The following RALY variants were observed in gnomAD, a reference collection of about 807,000 sequenced individuals.
RALY encodes the protein RNA-binding protein Raly.
Under a neutral mutation model 30.7 loss-of-function variants are expected in RALY, and 15 were observed. The ratio of observed to expected loss-of-function variants is 0.49; its 90% CI spans 0.33 to 0.75. The LOEUF is 0.75. Among genes scored for constraint, RALY ranks in the 30% least tolerant of loss-of-function variants. The pLI, the probability that RALY is intolerant of heterozygous loss-of-function variation, is 0.02. For synonymous variants in RALY, 177 were observed against 170.8 expected (o/e 1.04, Z -0.28); for missense variants, 339 against 414.3 (o/e 0.82, Z 1.58).
At chr20:33,997,431 T>C (rs904580809) in intron 1 of RALY, among the ~76,000 whole-genome samples, 17 of 151,892 alleles carry the variant, frequency 1.1e-4, no homozygotes, top group African/African-American at 4.1e-4. Context: ...ACCCTTAAAA[T>C]AGAACCGAGA....
intron 2 of RALY, among the ~76,000 whole-genome samples, chr20:34,070,406 G>A (rs1050557186): frequency 2.0e-5 from 3 of 152,176 alleles, no homozygotes; most frequent in Admixed American, 6.5e-5. Flanking sequence ...TAAACTGTAC[G>A]GGAAAAATTT....
At chr20:34,040,211 C>A (rs368185623) in intron 2 of RALY, among the ~76,000 whole-genome samples, 16 of 152,112 alleles carry the variant, frequency 1.1e-4, no homozygotes, top group African/African-American at 3.6e-4. Context: ...GTCACCTGTT[C>A]AGGTTCAGGT....
intron 2 of RALY, among the ~76,000 whole-genome samples, chr20:34,062,223 G>A (rs2033438166): frequency 6.6e-6 from 1 of 152,120 alleles, no homozygotes; most frequent in Non-Finnish European, 1.5e-5. Flanking sequence ...TGAGGCCATT[G>A]GTTACTCTAG....
At chr20:34,043,053 CT>C (rs1160268353) in intron 2 of RALY, among the ~76,000 whole-genome samples, 2 of 152,272 alleles carry the variant, frequency 1.3e-5, no homozygotes, top group African/African-American at 4.8e-5. Context: ...AGGCAGCTTT[CT>C]GCTCAGGGAA....
At chr20:34,073,301 C>T (rs74942915) in intron 3 of RALY, among the ~76,000 whole-genome samples, 5 of 148,368 alleles carry the variant, frequency 3.4e-5, no homozygotes, top group Non-Finnish European at 6.0e-5. Context: ...TGTGGTGGGG[C>T]GGGGGGGAGG....
intron 1 of RALY, among the ~76,000 whole-genome samples, chr20:34,026,863 C>T (rs574117339): frequency 1.3e-5 from 2 of 152,298 alleles, no homozygotes; most frequent in East Asian, 3.9e-4. Context: ...CATACTGGGG[C>T]TGAGACTCTG....
At chr20:34,003,830 A>G (rs944980973) in intron 1 of RALY, among the ~76,000 whole-genome samples, 9 of 151,804 alleles carry the variant, frequency 5.9e-5, no homozygotes, top group Admixed American at 2.6e-4. Context: ...TAGTAGAGAC[A>G]GGGTTTCACC....
At chr20:34,067,075 A>G (rs1419660395) in intron 2 of RALY, among the ~76,000 whole-genome samples, 1 of 152,168 alleles carries the variant, frequency 6.6e-6, no homozygotes. Flanking sequence ...TCTATTAACC[A>G]GTTACCTTGC....
At chr20:34,063,330 TC>T (rs1484217513) in intron 2 of RALY, among the ~76,000 whole-genome samples, 29 of 152,248 alleles carry the variant, frequency 1.9e-4, no homozygotes, top group African/African-American at 6.5e-4. Context: ...AGACCATTCT[TC>T]CTGTGGATGG....
chr20:34,075,694 A>G (rs1043384001), intron 5 of RALY, among the ~76,000 whole-genome samples, 180 bp from the exon 6 acceptor site: 9 of 152,118 alleles, frequency 5.9e-5, no homozygotes, highest in African/African-American at 2.2e-4. Flanking sequence ...GAGGATCCCA[A>G]CAGCCATCAG....
intron 1 of RALY, among the ~76,000 whole-genome samples, chr20:34,001,205 C>T (rs1397784340): frequency 6.6e-6 from 1 of 151,864 alleles, no homozygotes; most frequent in Non-Finnish European, 1.5e-5. Flanking sequence ...GAGTCCAAGA[C>T]TATAAAAAAA....
chr20:34,033,463 C>T (rs548143438), intron 2 of RALY, among the ~76,000 whole-genome samples: 2 of 152,244 alleles, frequency 1.3e-5, no homozygotes, highest in South Asian at 4.1e-4. Context: ...TGGGTGTCTG[C>T]ACCCAGTGAG....
At chr20:34,043,268 C>T (rs908118020) in intron 2 of RALY, among the ~76,000 whole-genome samples, 1 of 152,214 alleles carries the variant, frequency 6.6e-6, no homozygotes, top group African/African-American at 2.4e-5. Flanking sequence ...AAAGAGGTTA[C>T]AGAGTTCCAT....
At chr20:34,062,623 C>T (rs939414965) in intron 2 of RALY, among the ~76,000 whole-genome samples, 1 of 152,202 alleles carries the variant, frequency 6.6e-6, no homozygotes. Context: ...TGAGCTCCAT[C>T]GGGGTTTCCA....
rs141316076 is a variant in RALY at position 34,062,089 on chromosome 20, C to G, written c.-9-9977C>G. On this transcript the variant is annotated intron_variant, in intron 2 of 9. Transcript: ENST00000246194. ...TATCCTAGGAACCAGGGACTTTATT[C>G]ATCTCTGGTTCCACAGCACCTAGCT... is the stretch of plus-strand genomic sequence containing the variant. Among the ~76,000 whole-genome samples, 60 of 152,274 alleles carry G rather than the reference C, an allele frequency of 3.9e-4. No individual in the cohort carries two copies. The Middle Eastern group carries it at 0.02, about 52-fold the overall frequency.
At chr20:34,011,833 A>G (rs2031409859) in intron 1 of RALY, among the ~76,000 whole-genome samples, 1 of 152,158 alleles carries the variant, frequency 6.6e-6, no homozygotes, top group Non-Finnish European at 1.5e-5. Flanking sequence ...TGGGAGGCCA[A>G]GGCAGGCAGA....
intron 2 of RALY, among the ~76,000 whole-genome samples, chr20:34,056,434 A>G (rs2033245464): frequency 6.6e-6 from 1 of 152,200 alleles, no homozygotes; most frequent in South Asian, 2.1e-4. Context: ...AAGATGAAAC[A>G]TAGGTTCTGG....
chr20:34,014,158 C>T (rs1035711654), intron 1 of RALY, among the ~76,000 whole-genome samples: 1 of 152,092 alleles, frequency 6.6e-6, no homozygotes, highest in Admixed American at 6.5e-5. Context: ...CGTACTAGAT[C>T]TTGGGAACGT....
chr20:34,001,093 G>T (rs2030894200), intron 1 of RALY, among the ~76,000 whole-genome samples: 1 of 152,192 alleles, frequency 6.6e-6, no homozygotes, highest in Non-Finnish European at 1.5e-5. Context: ...TTGCTTTTTA[G>T]AGTGGACAGA....
Sources: gnomAD v4.1 joint callset for allele counts (sites outside exome capture counted in the v4.1 genomes callset) on GRCh38, gnomAD v4.1.1 for gene constraint, MANE v1.5 for transcripts, NCBI Gene and HGNC (gene_info 2026-07-23, HGNC 2026-07-21) for gene names.